WWP2: variants seen among roughly 807,000 people sequenced by gnomAD.
WWP2 encodes NEDD4-like E3 ubiquitin-protein ligase WWP2.
WWP2 carries 57 observed loss-of-function variants against 121.0 expected under a neutral mutation model. The observed-to-expected ratio is 0.47, with a 90% CI of 0.38 to 0.59. The LOEUF (loss-of-function observed/expected upper bound fraction) is 0.59. Among genes scored for constraint, WWP2 ranks in the 20% least tolerant of loss-of-function variants. The pLI, the probability that WWP2 is intolerant of heterozygous loss-of-function variation, is 0.00. For missense variants in WWP2, 962 were observed against 1,158.9 expected, an observed-to-expected ratio of 0.83 and a Z score of 2.47; for synonymous variants, 449 against 441.3, an observed-to-expected ratio of 1.02 and a Z score of -0.22.
chr16:69,885,736 T>C (rs996855128), intron 7 of WWP2, among the ~76,000 whole-genome samples: 1 of 152,224 alleles, frequency 6.6e-6, no homozygotes, highest in African/African-American at 2.4e-5. Flanking sequence ...TGTAGCCTCT[T>C]TGAGCTATAG....
At chr16:69,800,533 C>G (rs1440585760) in intron 4 of WWP2, among the ~76,000 whole-genome samples, 2 of 151,572 alleles carry the variant, frequency 1.3e-5, no homozygotes, top group Non-Finnish European at 2.9e-5. Flanking sequence ...AAATTTGCCC[C>G]TAAGCACAGC....
intron 2 of WWP2, among the ~76,000 whole-genome samples, chr16:69,797,451 C>T (rs190243807): frequency 1.3e-5 from 2 of 152,252 alleles, no homozygotes; most frequent in East Asian, 3.9e-4. Context: ...AGCCTGTTTT[C>T]TCCTGGGTAA....
At chr16:69,914,822 A>G (rs927950642) in intron 9 of WWP2, among the ~76,000 whole-genome samples, 1 of 152,240 alleles carries the variant, frequency 6.6e-6, no homozygotes, top group South Asian at 2.1e-4. Flanking sequence ...ACATTTGAAT[A>G]TGAGAGTAGA....
At chr16:69,868,859 C>A (rs1367247134) in intron 6 of WWP2, among the ~76,000 whole-genome samples, 1 of 152,100 alleles carries the variant, frequency 6.6e-6, no homozygotes, top group East Asian at 1.9e-4. Flanking sequence ...TTGAAATATT[C>A]ATCTTTGACT....
chr16:69,843,341 T>C (rs1319955135), intron 6 of WWP2, among the ~76,000 whole-genome samples: 1 of 152,080 alleles, frequency 6.6e-6, no homozygotes, highest in African/African-American at 2.4e-5. Context: ...CCTGTGTTAG[T>C]GGTGCAAACT....
chr16:69,778,088 T>TAC (rs1317669621), intron 1 of WWP2, among the ~76,000 whole-genome samples: 2 of 140,810 alleles, frequency 1.4e-5, no homozygotes, highest in Non-Finnish European at 3.2e-5. Flanking sequence ...TATATATATA[T>TAC]ATACACACAC....
intron 7 of WWP2, among the ~76,000 whole-genome samples, chr16:69,876,856 A>G (rs2057744558): frequency 6.6e-6 from 1 of 152,264 alleles, no homozygotes; most frequent in South Asian, 2.1e-4. Flanking sequence ...TTTTTCCTGA[A>G]CAGTAGGTCT....
chr16:69,877,145 C>G (rs1255556239), intron 7 of WWP2, among the ~76,000 whole-genome samples: 2 of 152,200 alleles, frequency 1.3e-5, no homozygotes, highest in African/African-American at 4.8e-5. Context: ...CAATAGAAGG[C>G]TCTTTCGTCA....
intron 6 of WWP2, among the ~76,000 whole-genome samples, chr16:69,858,465 CCTTG>C (rs2057358637): frequency 1.3e-5 from 2 of 152,202 alleles, no homozygotes; most frequent in South Asian, 4.2e-4. Context: ...TTCCCTGGCG[CCTTG>C]ACTCCTGAGA....
intron 7 of WWP2, among the ~76,000 whole-genome samples, chr16:69,879,447 T>C (rs72785048): frequency 0.071 from 10,883 of 152,210 alleles, 434 homozygotes; most frequent in Middle Eastern, 0.12. Flanking sequence ...CATTTTCTTA[T>C]TCTAGATACC....
intron 6 of WWP2, among the ~76,000 whole-genome samples, chr16:69,868,444 C>T (rs971655565): frequency 7.2e-5 from 11 of 152,114 alleles, no homozygotes; most frequent in Admixed American, 4.6e-4. Context: ...ACAGGGAACC[C>T]GGGGCTGGAG....
chr16:69,824,926 A>G (rs143301970), intron 4 of WWP2, among the ~76,000 whole-genome samples: 6,680 of 151,988 alleles, frequency 0.044, 512 homozygotes, highest in African/African-American at 0.15. Context: ...ATGCACAACC[A>G]TGCCTGACTA....
intron 8 of WWP2, among the ~76,000 whole-genome samples, chr16:69,896,245 C>A (rs955028764): frequency 6.6e-6 from 1 of 152,108 alleles, no homozygotes; most frequent in African/African-American, 2.4e-5. Flanking sequence ...CCTCAGCCTC[C>A]CAAGTAGCTG....
intron 4 of WWP2, among the ~76,000 whole-genome samples, chr16:69,826,571 C>CA (rs762732099): frequency 0.018 from 654 of 36,866 alleles, 11 homozygotes; most frequent in Non-Finnish European, 0.02. Context: ...GACTCCGTCT[C>CA]AAAAAAAAAA....
At chr16:69,929,558 G>A (rs2058684043) in intron 12 of WWP2, 29 bp downstream of exon 12, 2 of 1,602,816 alleles carry the variant, frequency 1.2e-6, no homozygotes, top group Admixed American at 3.3e-5. Flanking sequence ...AGGGGGGCCG[G>A]GCTGGGCTGG....
At chr16:69,764,833 A>T (rs1393138770) in intron 1 of WWP2, among the ~76,000 whole-genome samples, 1 of 152,218 alleles carries the variant, frequency 6.6e-6, no homozygotes, top group Non-Finnish European at 1.5e-5. Flanking sequence ...GATACTTTTT[A>T]TGTTATAGTA....
At chr16:69,828,923 C>G (rs892003876) in intron 4 of WWP2, among the ~76,000 whole-genome samples, 1 of 152,148 alleles carries the variant, frequency 6.6e-6, no homozygotes, top group African/African-American at 2.4e-5. Flanking sequence ...TCTGACGACT[C>G]TCTTGGTGTT....
intron 9 of WWP2, among the ~76,000 whole-genome samples, chr16:69,913,280 A>G (rs1196530349): frequency 6.6e-6 from 1 of 150,398 alleles, no homozygotes; most frequent in Non-Finnish European, 1.5e-5. Context: ...TGAGCCACCC[A>G]CCTCGGCCTC....
intron 8 of WWP2, among the ~76,000 whole-genome samples, chr16:69,898,826 C>G (rs2058150304): frequency 6.6e-6 from 1 of 152,174 alleles, no homozygotes; most frequent in African/African-American, 2.4e-5. Context: ...GCCTCAGCCT[C>G]TGGAGTAGCT....
Sources: gnomAD v4.1 joint callset for allele counts (sites outside exome capture counted in the v4.1 genomes callset) on GRCh38, gnomAD v4.1.1 for gene constraint, MANE v1.5 for transcripts, NCBI Gene and HGNC (gene_info 2026-07-23, HGNC 2026-07-21) for gene names.